NFAT5: variants seen among roughly 807,000 people sequenced by gnomAD.
The protein encoded by NFAT5 is nuclear factor of activated T-cells 5.
In NFAT5, 31 loss-of-function variants were observed where a neutral mutation model predicts 166.5. That is an observed-to-expected ratio of 0.19 (90% CI 0.14 to 0.25). The LOEUF (loss-of-function observed/expected upper bound fraction) is 0.25, where lower values mean the gene tolerates loss of function less well. Ranked by LOEUF, NFAT5 falls within the 10% of genes least tolerant of loss-of-function variation. The probability of loss-of-function intolerance (pLI) is 1.00; values close to 1 mark genes in which losing one functional copy is unlikely to be tolerated. For synonymous variants in NFAT5, 612 were observed against 639.7 expected, an observed-to-expected ratio of 0.96 and a Z score of 0.65; for missense variants, 1,449 against 1,821.8, an observed-to-expected ratio of 0.80 and a Z score of 3.72.
rs1417785670 is a variant in NFAT5 at position 69,694,007 on chromosome 16, A to G, written c.4182A>G (p.Leu1394=). Residue 1394 remains leucine, a synonymous_variant, in exon 13 of 15, where the codon TTA becomes TTG. Coordinates refer to ENST00000349945, the MANE Select transcript of NFAT5 (RefSeq NM_138713.4). ...SSQEQQVTLF[L]SPASMSALQT... ...AAGAGCAGCAAGTAACTCTCTTCTTATCTCCAGCATCCATGTCTGCCTTGC... is the reference window on the plus strand; with the variant it reads ...AAGAGCAGCAAGTAACTCTCTTCTTGTCTCCAGCATCCATGTCTGCCTTGC... The G allele has an allele frequency of 3.1e-6, 5 of 1,614,202 alleles. No homozygotes were observed. The highest frequency in any genetic ancestry group is 4.2e-6 in the Non-Finnish European group (5 of 1,180,020).
At chr16:69,667,175 G>T (rs2036421432) in intron 7 of NFAT5, among the ~76,000 whole-genome samples, 2 of 122,632 alleles carry the variant, frequency 1.6e-5, no homozygotes, top group Non-Finnish European at 3.3e-5. Flanking sequence ...ACGGTTGTGG[G>T]GTGGGGGGAG....
At position 69,615,868 on chromosome 16, in the gene NFAT5, AGCT is replaced by A. The variant is rs2033919988; in HGVS notation, c.128-10534_128-10532del. 1.4e-4 allele frequency among the ~76,000 whole-genome samples: 22 copies of A among 152,152 alleles called. No individual in the cohort carries two copies. The South Asian group carries it at 4.6e-3, about 32-fold the overall frequency. ...CTAATTACCCAACTTGGCCTCTCAT[AGCT>A]TGCCTCCTACATGGATGCTCTTGAC... On this transcript the variant is annotated intron_variant, in intron 2 of 14. Coordinates refer to ENST00000349945, the MANE Select transcript of NFAT5 (RefSeq NM_138713.4).
intron 7 of NFAT5, among the ~76,000 whole-genome samples, chr16:69,666,460 A>T (rs1267917761): frequency 1.3e-5 from 2 of 151,980 alleles, no homozygotes. Context: ...CAATGAACTC[A>T]AACAGATTTA....
intron 2 of NFAT5, among the ~76,000 whole-genome samples, chr16:69,612,885 T>G (rs912616729): frequency 4.0e-5 from 6 of 150,976 alleles, no homozygotes; most frequent in Admixed American, 2.0e-4. Flanking sequence ...GGCAAAACTG[T>G]AGTTCTAGGA....
chr16:69,590,768 A>C (rs1440700044), intron 2 of NFAT5, among the ~76,000 whole-genome samples: 1 of 152,210 alleles, frequency 6.6e-6, no homozygotes, highest in African/African-American at 2.4e-5. Context: ...TCTTGGGTAC[A>C]GTGTCATGGG....
chr16:69,636,223 T>G (rs545246055), intron 3 of NFAT5, among the ~76,000 whole-genome samples: 5 of 152,234 alleles, frequency 3.3e-5, no homozygotes, highest in African/African-American at 1.2e-4. Context: ...ATGCAAGAGG[T>G]GGGTTCCCAT....
At chr16:69,619,442 C>T (rs558126659) in intron 2 of NFAT5, among the ~76,000 whole-genome samples, 3 of 152,150 alleles carry the variant, frequency 2.0e-5, no homozygotes, top group South Asian at 2.1e-4. Context: ...CAAAGGAAGC[C>T]GCTGTCCTAA....
intron 1 of NFAT5, among the ~76,000 whole-genome samples, 165 bp from the exon 2 acceptor site, chr16:69,568,328 ATG>A (rs1488022192): frequency 8.5e-6 from 1 of 117,698 alleles, no homozygotes; most frequent in Non-Finnish European, 1.8e-5. Context: ...TTCAAAATGT[ATG>A]TGTGTATATA....
chr16:69,627,323 C>CAT (rs10524659), intron 3 of NFAT5, among the ~76,000 whole-genome samples: 26 of 128,838 alleles, frequency 2.0e-4, no homozygotes, highest in Non-Finnish European at 3.6e-4. Context: ...AAAAAGGAAA[C>CAT]ATATATATAT....
chr16:69,644,677 A>G, intron 3 of NFAT5: 1 of 270,292 alleles, frequency 3.7e-6, no homozygotes, highest in Non-Finnish European at 7.4e-6. Flanking sequence ...GCAAGATAAA[A>G]TTTTTTACCT....
intron 7 of NFAT5, among the ~76,000 whole-genome samples, chr16:69,663,859 A>C (rs2036252162): frequency 6.6e-6 from 1 of 152,192 alleles, no homozygotes; most frequent in Admixed American, 6.5e-5. Flanking sequence ...CCTGGGCAAC[A>C]GAGTGAGGTC....
At chr16:69,596,522 A>G (rs1033333974) in intron 2 of NFAT5, among the ~76,000 whole-genome samples, 4 of 152,094 alleles carry the variant, frequency 2.6e-5, no homozygotes, top group Non-Finnish European at 5.9e-5. Context: ...GTTCAAGACT[A>G]TGCTGGCCAA....
rs2032684479 is a variant in NFAT5 at position 69,594,679 on chromosome 16, G to C, written c.127+26131G>C. On this transcript the variant is annotated intron_variant, in intron 2 of 14. Transcript: ENST00000349945. ...CCTATACATACATACCTGTGATAAA[G>C]TTTAATTTATAAATAAGGCACAGTA... Among the ~76,000 whole-genome samples, 3 of 152,268 alleles carry C rather than the reference G, an allele frequency of 2.0e-5. No homozygotes were observed. The South Asian group carries it at 6.2e-4, about 32-fold the overall frequency.
intron 2 of NFAT5, among the ~76,000 whole-genome samples, chr16:69,577,014 A>G (rs978959543): frequency 6.6e-6 from 1 of 152,252 alleles, no homozygotes; most frequent in Non-Finnish European, 1.5e-5. Flanking sequence ...AGAGATGAGC[A>G]ACAGAAGAAA....
chr16:69,684,794 C>A, intron 10 of NFAT5, 93 bp from the exon 11 acceptor site: 1 of 781,480 alleles, frequency 1.3e-6, no homozygotes, highest in South Asian at 2.1e-5. Context: ...TTAAATGATA[C>A]TTTGTGACAA....
intron 6 of NFAT5, among the ~76,000 whole-genome samples, chr16:69,657,859 G>A (rs1427426403): frequency 3.3e-5 from 5 of 151,466 alleles, no homozygotes. Flanking sequence ...GCCGAGGCAG[G>A]CGGATCACGA....
At chr16:69,573,807 C>CA (rs1168375583) in intron 2 of NFAT5, among the ~76,000 whole-genome samples, 1 of 150,602 alleles carries the variant, frequency 6.6e-6, no homozygotes, top group Non-Finnish European at 1.5e-5. Flanking sequence ...CCTAAAATTT[C>CA]AAAGTGGTAG....
chr16:69,634,495 G>C (rs1567559223), intron 3 of NFAT5, among the ~76,000 whole-genome samples: 1 of 152,060 alleles, frequency 6.6e-6, no homozygotes, highest in Non-Finnish European at 1.5e-5. Flanking sequence ...GCATAAGTAA[G>C]GTTATATTCA....
chr16:69,599,593 G>T (rs186602714), intron 2 of NFAT5, among the ~76,000 whole-genome samples: 2 of 152,102 alleles, frequency 1.3e-5, no homozygotes, highest in Admixed American at 6.6e-5. Flanking sequence ...ATAATGTTGG[G>T]AGTGAAAAAA....
Sources: gnomAD v4.1 joint callset for allele counts (sites outside exome capture counted in the v4.1 genomes callset) on GRCh38, gnomAD v4.1.1 for gene constraint, MANE v1.5 for transcripts, NCBI Gene and HGNC (gene_info 2026-07-23, HGNC 2026-07-21) for gene names.